The following F5 variants were observed in gnomAD, a reference collection of about 807,000 sequenced individuals.
F5 encodes the protein coagulation factor V, also known as activated protein c cofactor.
A neutral mutation model predicts 216.4 loss-of-function variants in F5; 138 were observed. That is an observed-to-expected ratio of 0.64 (90% CI 0.56 to 0.73). F5 has a LOEUF of 0.73. Ranked by LOEUF, F5 falls within the 30% of genes least tolerant of loss-of-function variation. The probability of loss-of-function intolerance (pLI) is 0.00; values close to 1 mark genes in which losing one functional copy is unlikely to be tolerated. For missense variants in F5, 2,403 were observed against 2,674.0 expected (o/e 0.90, Z 2.24); for synonymous variants, 916 against 930.7 (o/e 0.98, Z 0.29).
In F5 at chr1:169,543,111, G is replaced by GATGTTAACATC; in HGVS notation, c.1978_1979insGATGTTAACAT (p.Thr660ArgfsTer3). On this transcript the variant is annotated stop_gained and frameshift_variant, in exon 13 of 25. Transcript: ENST00000367797. LOFTEE classifies it high-confidence loss of function. ...AGAATTCATGGAAGTTAACATCCAA[G>GATGTTAACATC]TTCCTACAGAAGAGAGACAGACAGA... 2 of 1,613,142 alleles carry GATGTTAACATC rather than the reference G, an allele frequency of 1.2e-6. No homozygotes were observed. The highest frequency in any genetic ancestry group is 1.7e-6 in the Non-Finnish European group (2 of 1,179,708).
At chr1:169,569,819 A>G (rs1220114754) in intron 3 of F5, among the ~76,000 whole-genome samples, 1 of 151,984 alleles carries the variant, frequency 6.6e-6, no homozygotes, top group Non-Finnish European at 1.5e-5. Context: ...TATCTCTCAA[A>G]TATCTACCTC....
chr1:169,579,641 T>C (rs973890709), intron 2 of F5, among the ~76,000 whole-genome samples: 10 of 152,346 alleles, frequency 6.6e-5, no homozygotes, highest in African/African-American at 2.4e-4. Context: ...TCCATTCTGC[T>C]GTTCAAACCA....
Position 169,555,156 on chromosome 1 carries a change from C to T in F5, c.1118+26G>A, listed in dbSNP as rs557085893. 5 of 1,613,826 alleles carry T rather than the reference C, an allele frequency of 3.1e-6. No individual in the cohort carries two copies. In the East Asian group the frequency reaches 6.7e-5, roughly 22 times the overall value. On this transcript the variant is annotated intron_variant, in intron 7 of 24. Coordinates refer to ENST00000367797, the MANE Select transcript of F5 (RefSeq NM_000130.5). Reference sequence around the variant, plus strand: ...ATGGAATGTGTCTTGAACCTTTGCCCAGTGGTATGAACCCCAACAACTCAC... The same window carrying T: ...ATGGAATGTGTCTTGAACCTTTGCCTAGTGGTATGAACCCCAACAACTCAC...
At position 169,582,496 on chromosome 1, in the gene F5, T is replaced by C. The variant is rs755295118; in HGVS notation, c.185A>G (p.Lys62Arg). 6.4e-7 allele frequency: 1 copy of C among 1,551,660 alleles called. No individual in the cohort carries two copies. The highest frequency in any genetic ancestry group is 1.7e-5 in the Admixed American group (1 of 58,394). ...TTCATACTCTCTGTAGACAATTTTC[T>C]TAAAGGAAGTTACAGAAAGATTCAA... is the stretch of plus-strand genomic sequence containing the variant. ...SSLNLSVTSF[K>R]KIVYREYEPY... The change falls in exon 2 of 25, where the codon AAG becomes AGG. Residue 62 changes from lysine to arginine, a missense_variant. Physicochemically the swap from Lys to Arg is conservative, Grantham distance 26. Transcript: ENST00000367797.
At chr1:169,576,694 T>C (rs1453862044) in intron 2 of F5, among the ~76,000 whole-genome samples, 2 of 152,130 alleles carry the variant, frequency 1.3e-5, no homozygotes, top group African/African-American at 2.4e-5. Flanking sequence ...GCTGCTACCC[T>C]CTGTCTTGGC....
intron 1 of F5, among the ~76,000 whole-genome samples, chr1:169,584,385 T>C (rs1370167711): frequency 6.6e-6 from 1 of 152,248 alleles, no homozygotes; most frequent in African/African-American, 2.4e-5. Flanking sequence ...CACAAAATCA[T>C]ATAAAGCTAG....
At position 169,512,301 on chromosome 1, in the gene F5, C is replaced by T. The variant is rs1245686248; in HGVS notation, c.*2012G>A. ...CGAAGCTGGATCTCATGCTCCATTC[C>T]CATCTCTTCCCTACCCCCCATTATT... On this transcript the variant is annotated 3_prime_UTR_variant, in exon 25 of 25. Coordinates refer to ENST00000367797, the MANE Select transcript of F5 (RefSeq NM_000130.5). Among the ~76,000 whole-genome samples the T allele has an allele frequency of 6.6e-6, 1 of 151,904 alleles. No homozygotes were observed. The highest frequency in any genetic ancestry group is 1.5e-5 in the Non-Finnish European group (1 of 67,932).
Position 169,518,458 on chromosome 1 carries a change from C to T in F5, c.6299G>A (p.Arg2100His), listed in dbSNP as rs772248818. 53 of 1,613,662 alleles carry T rather than the reference C, an allele frequency of 3.3e-5. No individual in the cohort carries two copies. In the Admixed American group the frequency reaches 4.2e-4, roughly 13 times the overall value. The change falls in exon 23 of 25, where the codon CGT becomes CAT. Residue 2100 changes from arginine (R) to histidine (H), a missense_variant. Physicochemically the swap from Arg to His is conservative, Grantham distance 29. Coordinates refer to ENST00000367797, the MANE Select transcript of F5 (RefSeq NM_000130.5). ...SWWGDYWEPF[R>H]ARLNAQGRVN... ...ACGTCCCTGGGCATTCAGACGGGCA[C>T]GGAAGGGTTCCCAGTAATCTCCCCA...
chr1:169,518,667 A>G (rs1249584874), intron 22 of F5, 104 bp from the exon 23 acceptor site: 5 of 1,241,998 alleles, frequency 4.0e-6, no homozygotes, highest in Non-Finnish European at 5.8e-6. Flanking sequence ...AACAAATGAC[A>G]AAAACAATAA....
Position 169,555,167 on chromosome 1 carries a change from AC to A in F5, c.1118+14del, listed in dbSNP as rs1210079871. Reference sequence around the variant, plus strand: ...CTTGAACCTTTGCCCAGTGGTATGAACCCCAACAACTCACTTGTCCATATTC... The same window carrying A: ...CTTGAACCTTTGCCCAGTGGTATGAACCCAACAACTCACTTGTCCATATTC... On this transcript the variant is annotated intron_variant, in intron 7 of 24. Transcript: ENST00000367797. 5.0e-6 allele frequency: 8 copies of A among 1,613,872 alleles called. No individual in the cohort carries two copies. In the South Asian group the frequency reaches 8.8e-5, roughly 18 times the overall value.
At position 169,559,311 on chromosome 1, in the gene F5, A is replaced by T; in HGVS notation, c.587-15T>A. 6.2e-7 allele frequency: 1 copy of T among 1,613,326 alleles called. No homozygotes were observed. The highest frequency in any genetic ancestry group is 8.5e-7 in the Non-Finnish European group (1 of 1,179,520). On this transcript the variant is annotated splice_polypyrimidine_tract_variant and intron_variant, in intron 4 of 24. Coordinates refer to ENST00000367797, the MANE Select transcript of F5 (RefSeq NM_000130.5). ...AGTTAGGGTCCCTATGAAAGGAAAG[A>T]CATGTTTTCAGTAGCACTGCAGATA... is the stretch of plus-strand genomic sequence containing the variant.
chr1:169,558,886 C>A (rs1660391349), intron 5 of F5, among the ~76,000 whole-genome samples: 1 of 152,006 alleles, frequency 6.6e-6, no homozygotes, highest in African/African-American at 2.4e-5. Flanking sequence ...AGTGGCTGAG[C>A]TGATACCTTA....
chr1:169,550,058 A>G (rs1464789678), intron 9 of F5, 43 bp from the exon 10 acceptor site: 10 of 1,426,552 alleles, frequency 7.0e-6, no homozygotes, highest in African/African-American at 2.8e-5. Flanking sequence ...TTGCAAAGTT[A>G]TTTCATGATA....
intron 14 of F5, among the ~76,000 whole-genome samples, chr1:169,535,286 C>A (rs536620130): frequency 6.6e-6 from 1 of 152,250 alleles, no homozygotes; most frequent in East Asian, 1.9e-4. Flanking sequence ...TTGCCTAAGG[C>A]TCCAGTATGT....
At position 169,551,980 on chromosome 1, in the gene F5, T is replaced by C. The variant is rs1660179259; in HGVS notation, c.1296+577A>G. Among the ~76,000 whole-genome samples the C allele has an allele frequency of 3.3e-5, 5 of 152,236 alleles. No homozygotes were observed. In the South Asian group the frequency reaches 1.0e-3, roughly 31 times the overall value. ...ATTGTTTCTATTCAATTGTGTTTAC[T>C]GTTATATCTTAGCTATAATGAGAAA... On this transcript the variant is annotated intron_variant, in intron 8 of 24. Transcript: ENST00000367797.
At position 169,549,786 on chromosome 1, in the gene F5, T is replaced by C; in HGVS notation, c.1611+15A>G. ...TTCTCAGAATTTCTGAAAGGTTACT[T>C]CAAGGACAAAATACCTGTATTCCTC... On this transcript the variant is annotated intron_variant, in intron 10 of 24. Coordinates refer to ENST00000367797, the MANE Select transcript of F5 (RefSeq NM_000130.5). The C allele has an allele frequency of 6.2e-7, 1 of 1,601,018 alleles. No homozygotes were observed.
rs1480286920 is a variant in F5 at position 169,513,189 on chromosome 1, T to C, written c.*1124A>G. 1.3e-5 allele frequency among the ~76,000 whole-genome samples: 2 copies of C among 152,098 alleles called. No homozygotes were observed. Among genetic ancestry groups the C allele is most frequent in the East Asian group, 3.8e-4 (2 of 5,196 alleles). On this transcript the variant is annotated 3_prime_UTR_variant, in exon 25 of 25. Transcript: ENST00000367797. The stretch of plus-strand genomic sequence containing the variant: ...TTATGGTATACATAACATTTTGATA[T>C]ATGTACACGTTACAGGATGATTAAA...
chr1:169,514,352 AAT>A lies in F5; in HGVS notation c.6634_6635del (p.Ile2212CysfsTer10). ...RVIPKTWNQS[I>X]ALRLELFGCD... ...AGCCAAAGAGTTCCAGGCGAAGTGC[AAT>A]ACTTTGATTCCATGTTTTAGGAATG... On this transcript the variant is annotated frameshift_variant, in exon 25 of 25. Coordinates refer to ENST00000367797, the MANE Select transcript of F5 (RefSeq NM_000130.5). LOFTEE classifies it high-confidence loss of function. The A allele has an allele frequency of 6.2e-7, 1 of 1,613,418 alleles. No homozygotes were observed. Among genetic ancestry groups the A allele is most frequent in the Non-Finnish European group, 8.5e-7 (1 of 1,179,574 alleles).
chr1:169,569,077 TG>T (rs1341027814), intron 3 of F5, among the ~76,000 whole-genome samples: 1 of 152,130 alleles, frequency 6.6e-6, no homozygotes, highest in Non-Finnish European at 1.5e-5. Context: ...TCCACATTTT[TG>T]TGATTTATTA....
Sources: allele counts gnomAD v4.1 joint callset (sites outside exome capture counted in the v4.1 genomes callset), GRCh38; gene constraint gnomAD v4.1.1; transcripts MANE v1.5; gene names NCBI Gene and HGNC (gene_info 2026-07-23, HGNC 2026-07-21).